SLC37A1: variants seen among roughly 807,000 people sequenced by gnomAD.
The protein encoded by SLC37A1 is glucose-6-phosphate exchanger SLC37A1.
Under a neutral mutation model 75.3 loss-of-function variants are expected in SLC37A1, and 49 were observed. The observed-to-expected ratio is 0.65, with a 90% CI of 0.52 to 0.83. SLC37A1 has a LOEUF of 0.83. Ranked by LOEUF, SLC37A1 falls within the 40% of genes least tolerant of loss-of-function variation. SLC37A1 has a pLI of 0.00. For missense variants in SLC37A1, 566 were observed against 695.0 expected (o/e 0.81, Z 2.09); for synonymous variants, 268 against 292.1 (o/e 0.92, Z 0.84).
intron 3 of SLC37A1, among the ~76,000 whole-genome samples, chr21:42,531,651 G>A (rs994980418): frequency 6.6e-6 from 1 of 152,162 alleles, no homozygotes; most frequent in Admixed American, 6.5e-5. Context: ...GTGCTTCCCT[G>A]AAGTGCTTTG....
rs2056403424 is a variant in SLC37A1, at chr21:42,580,472, T to G, written c.*112T>G. On this transcript the variant is annotated 3_prime_UTR_variant, in exon 20 of 20. Transcript: ENST00000352133. ...GAAAGAGTGACCTCCCTTTGCCTTT[T>G]GCACACGCACCTGGAAAAGACACAG... 2 of 1,196,040 alleles carry G rather than the reference T, an allele frequency of 1.7e-6. No individual in the cohort carries two copies. Among genetic ancestry groups the G allele is most frequent in the African/African-American group, 3.1e-5 (2 of 65,402 alleles). The allele number at this position is 1,196,040 out of a possible 1,614,324, so 74.1% of individuals were successfully genotyped here.
At chr21:42,551,803 T>G (rs1042271829) in intron 9 of SLC37A1, among the ~76,000 whole-genome samples, 9 of 150,956 alleles carry the variant, frequency 6.0e-5, no homozygotes, top group South Asian at 2.1e-4. Context: ...TCAATGGTTT[T>G]TTTTGTTTTG....
In SLC37A1 at chr21:42,513,876, C is replaced by G. The variant is rs2054469346; in HGVS notation, c.-1020C>G. On this transcript the variant is annotated 5_prime_UTR_variant, in exon 1 of 20. Coordinates refer to ENST00000352133, the MANE Select transcript of SLC37A1 (RefSeq NM_001320537.2). ...GGAAGTCGCGAGCAGGAAGCGCCCG[C>G]GGCGGCCGGGCCGGGCTGGGCTGCG... The G allele has an allele frequency of 1.4e-5, 2 of 146,478 alleles. No homozygotes were observed. 9.1% of individuals were successfully genotyped at this position (146,478 alleles called of 1,614,324 possible).
intron 2 of SLC37A1, among the ~76,000 whole-genome samples, chr21:42,519,964 T>G (rs8126584): frequency 0.63 from 93,211 of 148,560 alleles, 29,730 homozygotes; most frequent in Admixed American, 0.74. Flanking sequence ...CACAGTGTGT[T>G]TGTGTGTGTG....
In SLC37A1 at chr21:42,514,936, G is replaced by A. The variant is rs1033599814; in HGVS notation, c.-179+219G>A. 2 of 152,386 alleles carry A rather than the reference G, an allele frequency of 1.3e-5. No homozygotes were observed. Among genetic ancestry groups the A allele is most frequent in the Non-Finnish European group, 2.9e-5 (2 of 68,162 alleles). The allele number at this position is 152,386 out of a possible 1,614,324, so 9.4% of individuals were successfully genotyped here. A position where few individuals can be genotyped will look rare whatever the true frequency, so the allele number is the denominator to read the frequency against. On this transcript the variant is annotated intron_variant, in intron 1 of 19. Coordinates refer to ENST00000352133, the MANE Select transcript of SLC37A1 (RefSeq NM_001320537.2). The surrounding 1 kb of genome is among the most constrained non-coding windows in gnomAD (Gnocchi z 4.8). The stretch of plus-strand genomic sequence containing the variant: ...TTGAACTTAAATCGTCTGAAGTTGT[G>A]TAAGTGGATAAATATTTTAGACTTC...
intron 2 of SLC37A1, among the ~76,000 whole-genome samples, chr21:42,525,121 G>A (rs1477612192): frequency 6.6e-6 from 1 of 152,230 alleles, no homozygotes; most frequent in Non-Finnish European, 1.5e-5. Flanking sequence ...GAGCCCTGGC[G>A]AGGGCACAGC....
intron 18 of SLC37A1, 181 bp downstream of exon 18, chr21:42,575,096 ACAGAAG>A (rs2147066124): frequency 1.0e-6 from 1 of 985,446 alleles, no homozygotes; most frequent in Non-Finnish European, 1.2e-6. Context: ...AAAGTCAGAA[ACAGAAG>A]CAGGACAGTC....
At chr21:42,521,720 A>G (rs1038308430) in intron 2 of SLC37A1, among the ~76,000 whole-genome samples, 1 of 152,272 alleles carries the variant, frequency 6.6e-6, no homozygotes, top group African/African-American at 2.4e-5. Context: ...ATAAGTAGTC[A>G]TAACTGCAAA....
intron 18 of SLC37A1, among the ~76,000 whole-genome samples, chr21:42,576,245 A>G (rs1466294331): frequency 6.6e-6 from 1 of 152,050 alleles, no homozygotes; most frequent in Non-Finnish European, 1.5e-5. Context: ...ACTAGATGAT[A>G]TCTGCACACT....
intron 17 of SLC37A1, among the ~76,000 whole-genome samples, chr21:42,570,445 G>A (rs1466599157): frequency 6.6e-6 from 1 of 152,220 alleles, no homozygotes; most frequent in Admixed American, 6.5e-5. Context: ...GAGGGGCTTT[G>A]AGTGTATTGG....
rs113407579 is a variant in SLC37A1 at position 42,524,760 on chromosome 21, GT to G, written c.57-1015del. Among the ~76,000 whole-genome samples, 1,427 of 152,298 alleles carry G rather than the reference GT, an allele frequency of 9.4e-3. 14 individuals are homozygous for G. The highest frequency in any genetic ancestry group is 0.033 in the African/African-American group (1,352 of 41,546). The stretch of plus-strand genomic sequence containing the variant: ...TAAATAGATGAATGCTTTTGATATT[GT>G]GACGTAATAATAAGAAACATGCTTT... On this transcript the variant is annotated intron_variant, in intron 2 of 19. Coordinates refer to ENST00000352133, the MANE Select transcript of SLC37A1 (RefSeq NM_001320537.2).
intron 2 of SLC37A1, among the ~76,000 whole-genome samples, chr21:42,507,849 C>T (rs1334258140): frequency 1.3e-5 from 2 of 152,098 alleles, no homozygotes; most frequent in African/African-American, 4.8e-5. Context: ...TGAGAGATCT[C>T]CCCCGATGAC....
At chr21:42,553,962 T>C in intron 9 of SLC37A1, 100 bp from the exon 10 acceptor site, 2 of 938,072 alleles carry the variant, frequency 2.1e-6, no homozygotes, top group Non-Finnish European at 1.6e-6. Flanking sequence ...TCTTGGTAGC[T>C]TTTTTGGGAC....
At position 42,548,909 on chromosome 21, in the gene SLC37A1, G is replaced by A. The variant is rs983575555; in HGVS notation, c.768+1769G>A. Among the ~76,000 whole-genome samples the A allele has an allele frequency of 1.1e-4, 17 of 152,212 alleles. No homozygotes were observed. The highest frequency in any genetic ancestry group is 3.4e-3 in the Middle Eastern group (1 of 292). On this transcript the variant is annotated intron_variant, in intron 9 of 19. Coordinates refer to ENST00000352133, the MANE Select transcript of SLC37A1 (RefSeq NM_001320537.2). The surrounding 1 kb of genome is among the most constrained non-coding windows in gnomAD (Gnocchi z 5.6). The stretch of plus-strand genomic sequence containing the variant: ...TCCTTTTTCTGTCTTTTCATACCTC[G>A]GGCTCCTGGGTGTGATTCATATGGA...
intron 3 of SLC37A1, among the ~76,000 whole-genome samples, chr21:42,527,246 G>A (rs913125245): frequency 2.6e-5 from 4 of 152,312 alleles, no homozygotes; most frequent in South Asian, 2.1e-4. Flanking sequence ...CAGATGTAGC[G>A]TGTAAGGTGG....
intron 3 of SLC37A1, among the ~76,000 whole-genome samples, chr21:42,527,432 C>T (rs577806285): frequency 3.3e-5 from 5 of 152,282 alleles, no homozygotes; most frequent in African/African-American, 1.2e-4. Context: ...GGTGTCCAGG[C>T]CACTCAAGAC....
At chr21:42,534,868 C>T (rs2055093528) in intron 4 of SLC37A1, 38 bp downstream of exon 4, 2 of 1,600,686 alleles carry the variant, frequency 1.2e-6, no homozygotes, top group South Asian at 1.1e-5. Context: ...GCCGAAGCGG[C>T]TGTCCTTCCA....
At chr21:42,537,199 G>A (rs1198772242) in intron 5 of SLC37A1, among the ~76,000 whole-genome samples, 1 of 152,200 alleles carries the variant, frequency 6.6e-6, no homozygotes, top group East Asian at 1.9e-4. Context: ...TTTGCCTCCT[G>A]CTGCAGAACT....
chr21:42,557,972 CAGGGT>C (rs2146961716), intron 10 of SLC37A1, among the ~76,000 whole-genome samples: 1 of 152,198 alleles, frequency 6.6e-6, no homozygotes, highest in East Asian at 1.9e-4. Context: ...TTTTTTGAGA[CAGGGT>C]CTTGCCCGGG....
Sources: gnomAD v4.1 joint callset for allele counts (sites outside exome capture counted in the v4.1 genomes callset) on GRCh38, gnomAD v4.1.1 for gene constraint, Gnocchi (gnomAD v3.1) non-coding constraint, MANE v1.5 for transcripts, NCBI Gene and HGNC (gene_info 2026-07-23, HGNC 2026-07-21) for gene names.